The following HAPSTR1 variants were observed in gnomAD, a reference collection of about 807,000 sequenced individuals.
HAPSTR1 encodes HUWE1 associated protein modifying stress responses, also known as HUWE1-associated protein modifying stress responses 1.
chr16:9,098,862 C>CT, the HAPSTR1 span, among the ~76,000 whole-genome samples: 1 of 152,188 alleles, frequency 6.6e-6, no homozygotes, highest in East Asian at 1.9e-4. Flanking sequence ...AGAGGGAACT[C>CT]TGTCAATGAA....
At chr16:9,092,367 C>A in the HAPSTR1 span, 4 of 1,101,030 alleles carry the variant, frequency 3.6e-6, no homozygotes, top group Non-Finnish European at 4.6e-6. Context: ...GGGGCCGCGA[C>A]GGCGGCGGCC....
the HAPSTR1 span, among the ~76,000 whole-genome samples, chr16:9,096,471 T>C: frequency 5.3e-5 from 8 of 152,240 alleles, no homozygotes; most frequent in African/African-American, 1.9e-4. Context: ...AAGTCCTCAC[T>C]TTTGATACAT....
At chr16:9,091,937 G>A in the HAPSTR1 span, 2 of 949,982 alleles carry the variant, frequency 2.1e-6, no homozygotes, top group African/African-American at 1.7e-5. Context: ...AGGCGCCGTC[G>A]GTCGCCAGGC....
At chr16:9,094,518 A>G in the HAPSTR1 span, among the ~76,000 whole-genome samples, 7 of 152,026 alleles carry the variant, frequency 4.6e-5, no homozygotes, top group East Asian at 1.9e-4. Flanking sequence ...GAATATATCT[A>G]TCACCCCCAC....
At chr16:9,093,411 A>C in the HAPSTR1 span, among the ~76,000 whole-genome samples, 1 of 152,232 alleles carries the variant, frequency 6.6e-6, no homozygotes, top group Non-Finnish European at 1.5e-5. Flanking sequence ...CCCTCTGGAA[A>C]AGACATTGAG....
chr16:9,115,902 G>A, the HAPSTR1 span, among the ~76,000 whole-genome samples: 1 of 152,146 alleles, frequency 6.6e-6, no homozygotes, highest in South Asian at 2.1e-4. Context: ...GAGCCACTGC[G>A]CCTGGCCTTG....
chr16:9,099,534 G>T, the HAPSTR1 span, among the ~76,000 whole-genome samples: 9 of 152,314 alleles, frequency 5.9e-5, no homozygotes, highest in African/African-American at 1.7e-4. Flanking sequence ...ATGTGTTGTG[G>T]TTAAAGGTTA....
At chr16:9,103,542 T>G in the HAPSTR1 span, 19 of 319,538 alleles carry the variant, frequency 5.9e-5, no homozygotes, top group East Asian at 1.1e-3. Context: ...TTTACACTTA[T>G]GTGTTGTACG....
At chr16:9,107,391 G>A in the HAPSTR1 span, 1 of 152,246 alleles carries the variant, frequency 6.6e-6, no homozygotes, top group Admixed American at 6.5e-5. Context: ...GAGCAGAAAG[G>A]GATGTTTCAC....
At chr16:9,092,171 C>A in the HAPSTR1 span, 1 of 1,574,360 alleles carries the variant, frequency 6.4e-7, no homozygotes, top group Non-Finnish European at 8.6e-7. Flanking sequence ...CCCCGAGCTG[C>A]AGGAGGAGGC....
At chr16:9,119,388 A>G in the HAPSTR1 span, 1 of 152,238 alleles carries the variant, frequency 6.6e-6, no homozygotes, top group African/African-American at 2.4e-5. Context: ...TTTAAAAACT[A>G]GACAGTTTAG....
chr16:9,109,696 T>A, the HAPSTR1 span: 2 of 152,244 alleles, frequency 1.3e-5, no homozygotes, highest in Non-Finnish European at 2.9e-5. Context: ...TAAGTTCCTT[T>A]CATGTTTAAA....
the HAPSTR1 span, chr16:9,108,112 G>C: frequency 6.6e-6 from 1 of 152,092 alleles, no homozygotes; most frequent in Non-Finnish European, 1.5e-5. Context: ...TGGGACCTTA[G>C]GGTGATAACC....
chr16:9,112,551 C>T, the HAPSTR1 span: 1,780 of 152,308 alleles, frequency 0.012, 19 homozygotes, highest in Non-Finnish European at 0.02. Context: ...GGCTGCTGGA[C>T]TGAGGCAGTG....
the HAPSTR1 span, chr16:9,111,100 C>G: frequency 6.6e-6 from 1 of 152,208 alleles, no homozygotes; most frequent in East Asian, 1.9e-4. Flanking sequence ...TTTTCTGTTG[C>G]AGAGAATTAA....
the HAPSTR1 span, among the ~76,000 whole-genome samples, chr16:9,099,458 G>T: frequency 2.6e-5 from 4 of 152,296 alleles, no homozygotes; most frequent in Middle Eastern, 3.4e-3. Context: ...CTCCCAAAGT[G>T]CTGGGATTAC....
At chr16:9,094,888 C>A in the HAPSTR1 span, among the ~76,000 whole-genome samples, 12 of 152,262 alleles carry the variant, frequency 7.9e-5, no homozygotes, top group Non-Finnish European at 5.9e-5. Flanking sequence ...AGAATGTGTC[C>A]CTTTAGGACT....
chr16:9,110,755 G>A, the HAPSTR1 span: 1 of 152,286 alleles, frequency 6.6e-6, no homozygotes, highest in South Asian at 2.1e-4. Context: ...TGGATGGTAT[G>A]GCTGGGGCAG....
At chr16:9,103,038 A>G in the HAPSTR1 span, 1 of 1,614,202 alleles carries the variant, frequency 6.2e-7, no homozygotes, top group Non-Finnish European at 8.5e-7. Flanking sequence ...ATTGGCTATC[A>G]GCGACGCAAT....
Sources: allele counts gnomAD v4.1 joint callset (sites outside exome capture counted in the v4.1 genomes callset), GRCh38; gene constraint gnomAD v4.1.1; transcripts MANE v1.5; gene names NCBI Gene and HGNC (gene_info 2026-07-23, HGNC 2026-07-21).